PARD3B: variants seen among roughly 807,000 people sequenced by gnomAD.
PARD3B encodes partitioning defective 3 homolog B.
Under a neutral mutation model 130.2 loss-of-function variants are expected in PARD3B, and 103 were observed. The observed-to-expected ratio is 0.79, with a 90% CI of 0.67 to 0.93. The LOEUF is 0.93. Among genes scored for constraint, PARD3B ranks in the 40% least tolerant of loss-of-function variants. PARD3B has a pLI of 0.00. For missense variants in PARD3B, 1,609 were observed against 1,499.2 expected (o/e 1.07, Z -1.21); for synonymous variants, 583 against 553.2 (o/e 1.05, Z -0.76).
intron 2 of PARD3B, among the ~76,000 whole-genome samples, chr2:204,902,359 G>A (rs2046891478): frequency 6.6e-6 from 1 of 151,728 alleles, no homozygotes; most frequent in African/African-American, 2.4e-5. Context: ...ATAGCTAGAC[G>A]TTTTTAAGTT....
intron 3 of PARD3B, among the ~76,000 whole-genome samples, chr2:204,989,557 C>G (rs991584007): frequency 6.6e-6 from 1 of 152,112 alleles, no homozygotes; most frequent in African/African-American, 2.4e-5. Flanking sequence ...TCTTTGAAGT[C>G]CCCTCTGTAC....
intron 1 of PARD3B, among the ~76,000 whole-genome samples, chr2:204,583,024 G>C (rs1163946712): frequency 1.3e-5 from 2 of 151,400 alleles, no homozygotes; most frequent in African/African-American, 4.9e-5. Context: ...TACACTGTTG[G>C]TGGGACTGTA....
At chr2:204,754,882 T>C (rs2040600547) in intron 2 of PARD3B, among the ~76,000 whole-genome samples, 1 of 152,120 alleles carries the variant, frequency 6.6e-6, no homozygotes, top group Admixed American at 6.6e-5. Flanking sequence ...GGCTTTATTA[T>C]TGAGGATTAA....
intron 18 of PARD3B, among the ~76,000 whole-genome samples, chr2:205,365,122 C>G (rs2044553137): frequency 6.6e-6 from 1 of 151,604 alleles, no homozygotes; most frequent in Admixed American, 6.6e-5. Context: ...ATTGTTTGAA[C>G]CTAAGAGGCG....
Position 204,887,788 on chromosome 2 carries a change from A to G in PARD3B, c.223-77364A>G, listed in dbSNP as rs1015174569. ...ACATGTAAAACCAAATAGCGATACA[A>G]GGCAACCCTACCAGAGGCATACGAC... On this transcript the variant is annotated intron_variant, in intron 2 of 22. Transcript: ENST00000406610. The surrounding 1 kb of genome is among the most constrained non-coding windows in gnomAD (Gnocchi z 4.2). Among the ~76,000 whole-genome samples the G allele has an allele frequency of 2.6e-5, 4 of 152,126 alleles. No homozygotes were observed. In the East Asian group the frequency reaches 7.7e-4, roughly 29 times the overall value.
intron 2 of PARD3B, among the ~76,000 whole-genome samples, chr2:204,712,613 C>CA (rs1253142601): frequency 0.064 from 2,861 of 44,716 alleles, 100 homozygotes; most frequent in Non-Finnish European, 0.087. Context: ...GACCCCATCT[C>CA]AAAAAAAAAA....
chr2:204,685,753 T>C (rs2037045057), intron 1 of PARD3B, among the ~76,000 whole-genome samples: 1 of 150,900 alleles, frequency 6.6e-6, no homozygotes, highest in South Asian at 2.1e-4. Context: ...GTGATAGCTA[T>C]TACCATCACA....
At chr2:204,662,065 C>A (rs1397284844) in intron 1 of PARD3B, among the ~76,000 whole-genome samples, 1 of 152,178 alleles carries the variant, frequency 6.6e-6, no homozygotes, top group African/African-American at 2.4e-5. Flanking sequence ...AATGAACTTT[C>A]TGTACTGTAA....
chr2:205,469,366 T>C (rs1394769316), intron 20 of PARD3B, among the ~76,000 whole-genome samples: 15 of 152,146 alleles, frequency 9.9e-5, no homozygotes, highest in Admixed American at 9.8e-4. Flanking sequence ...TGAATCATGA[T>C]GCCATGATTC....
At chr2:205,221,355 A>G (rs1400255347) in intron 15 of PARD3B, among the ~76,000 whole-genome samples, 3 of 152,074 alleles carry the variant, frequency 2.0e-5, no homozygotes, top group East Asian at 3.9e-4. Context: ...CATTCATCGG[A>G]TGGAGATGAT....
intron 1 of PARD3B, among the ~76,000 whole-genome samples, chr2:204,565,569 A>G (rs2031623132): frequency 6.6e-6 from 1 of 152,222 alleles, no homozygotes; most frequent in Non-Finnish European, 1.5e-5. Context: ...TTCATCAGAA[A>G]CATCTAAGTA....
At chr2:205,133,071 A>C (rs928830244) in intron 10 of PARD3B, among the ~76,000 whole-genome samples, 3 of 152,182 alleles carry the variant, frequency 2.0e-5, no homozygotes, top group African/African-American at 7.2e-5. Flanking sequence ...CAAATTAAAA[A>C]AATATATGCA....
chr2:204,640,285 C>G (rs1402345364), intron 1 of PARD3B, among the ~76,000 whole-genome samples: 1 of 152,128 alleles, frequency 6.6e-6, no homozygotes, highest in Non-Finnish European at 1.5e-5. Context: ...ACTCCTTGCT[C>G]TTCTCTTCAC....
chr2:205,077,587 G>A (rs1309638012), intron 4 of PARD3B, among the ~76,000 whole-genome samples: 3 of 152,126 alleles, frequency 2.0e-5, no homozygotes, highest in African/African-American at 7.2e-5. Context: ...AGCCAAAAAT[G>A]CAGAGCCTTC....
At chr2:205,045,788 T>C (rs1157064561) in intron 3 of PARD3B, among the ~76,000 whole-genome samples, 2 of 150,724 alleles carry the variant, frequency 1.3e-5, no homozygotes, top group African/African-American at 4.9e-5. Flanking sequence ...CACACACACA[T>C]ACATATATAT....
intron 2 of PARD3B, among the ~76,000 whole-genome samples, chr2:204,778,772 A>G (rs149472116): frequency 2.0e-5 from 3 of 152,146 alleles, no homozygotes; most frequent in African/African-American, 4.8e-5. Context: ...GACTTCTGCA[A>G]TGTCCTCTTA....
intron 15 of PARD3B, among the ~76,000 whole-genome samples, chr2:205,207,946 A>G (rs371999941): frequency 1.7e-5 from 2 of 114,980 alleles, no homozygotes; most frequent in African/African-American, 3.8e-5. Flanking sequence ...TATCCTTGAT[A>G]AACATTGATG....
chr2:204,718,711 G>T (rs1232975897), intron 2 of PARD3B, among the ~76,000 whole-genome samples: 1 of 152,068 alleles, frequency 6.6e-6, no homozygotes, highest in Non-Finnish European at 1.5e-5. Context: ...TTGGGTCTTG[G>T]GTCAGATTCG....
At position 204,908,968 on chromosome 2, in the gene PARD3B, A is replaced by AT. The variant is rs1190988980; in HGVS notation, c.223-56183dup. On this transcript the variant is annotated intron_variant, in intron 2 of 22. Coordinates refer to ENST00000406610, the MANE Select transcript of PARD3B (RefSeq NM_001302769.2). ...CCATATAAAGGCATAAGTCTCAGTG[A>AT]TAAAAACATTGAGTGGTTTCATACT... 1.1e-4 allele frequency among the ~76,000 whole-genome samples: 16 copies of AT among 152,308 alleles called. 1 individual carries two copies. In the South Asian group the frequency reaches 3.3e-3, roughly 32 times the overall value.
Sources: gnomAD v4.1 joint callset for allele counts (sites outside exome capture counted in the v4.1 genomes callset) on GRCh38, gnomAD v4.1.1 for gene constraint, Gnocchi (gnomAD v3.1) non-coding constraint, MANE v1.5 for transcripts, NCBI Gene and HGNC (gene_info 2026-07-23, HGNC 2026-07-21) for gene names.